RIPOR3: variants seen among roughly 807,000 people sequenced by gnomAD.
The protein encoded by RIPOR3 is family with sequence similarity 65 member C.
RIPOR3 carries 95 observed loss-of-function variants against 114.3 expected under a neutral mutation model. That is an observed-to-expected ratio of 0.83 (90% confidence interval 0.70 to 0.99). The LOEUF is 0.99. Among genes scored for constraint, RIPOR3 ranks in the 50% least tolerant of loss-of-function variants. The pLI, the probability that RIPOR3 is intolerant of heterozygous loss-of-function variation, is 0.00. For missense variants in RIPOR3, 1,252 were observed against 1,266.9 expected (o/e 0.99, Z 0.18); for synonymous variants, 575 against 543.8 (o/e 1.06, Z -0.80).
chr20:50,682,612 A>ATGTGTGTGTGTGTGTG (rs71190593), intron 1 of RIPOR3, among the ~76,000 whole-genome samples: 7,845 of 146,822 alleles, frequency 0.053, 318 homozygotes, highest in African/African-American at 0.11. Flanking sequence ...GTCTCAAAAT[A>ATGTGTGTGTGTGTGTG]TGTGTGTGTG....
intron 2 of RIPOR3, among the ~76,000 whole-genome samples, chr20:50,625,436 C>A (rs1406346410): frequency 6.6e-6 from 1 of 152,238 alleles, no homozygotes; most frequent in African/African-American, 2.4e-5. Context: ...GAGGTCAGGC[C>A]CCCTGGTACC....
rs565198953 is a variant in RIPOR3, at chr20:50,626,851, G to T, written c.122+3887C>A. 2.6e-5 allele frequency among the ~76,000 whole-genome samples: 4 copies of T among 152,088 alleles called. No homozygotes were observed. In the East Asian group the frequency reaches 7.8e-4, roughly 30 times the overall value. ...AGCCTGGCCAACATGGTGAAACCCT[G>T]TCTCTACTAAAAATTAGCTGGGCAT... On this transcript the variant is annotated intron_variant, in intron 2 of 21. Coordinates refer to ENST00000327979, the MANE Select transcript of RIPOR3 (RefSeq NM_001290268.2).
intron 1 of RIPOR3, among the ~76,000 whole-genome samples, chr20:50,667,078 C>T (rs2086272659): frequency 6.6e-6 from 1 of 152,034 alleles, no homozygotes; most frequent in Non-Finnish European, 1.5e-5. Flanking sequence ...GGACTCTGAA[C>T]CTAGCTTGGC....
At position 50,602,550 on chromosome 20, in the gene RIPOR3, C is replaced by G. The variant is rs753782206; in HGVS notation, c.1181G>C (p.Gly394Ala). 3.2e-6 allele frequency: 5 copies of G among 1,548,878 alleles called. No homozygotes were observed. The highest frequency in any genetic ancestry group is 2.8e-5 in the African/African-American group (2 of 72,430). The change falls in exon 13 of 22, where the codon GGT becomes GCT. Residue 394 changes from glycine (G) to alanine (A), a missense_variant. Gly to Ala is a moderately conservative substitution (Grantham distance 60). Coordinates refer to ENST00000327979, the MANE Select transcript of RIPOR3 (RefSeq NM_001290268.2). The surrounding 1 kb of genome is among the most constrained non-coding windows in gnomAD (Gnocchi z 4.3). ...CTGACTCTGGCTTCTTAGGCTGGGA[C>G]CCCGGAGGTCGCTGTCAGACAGGTA... ...LSYLSDSDLR[G>A]PSLRSQSQEL...
At position 50,668,925 on chromosome 20, in the gene RIPOR3, G is replaced by GA. The variant is rs1310935833; in HGVS notation, c.3+22200_3+22201insT. 4.6e-5 allele frequency among the ~76,000 whole-genome samples: 7 copies of GA among 151,290 alleles called. No individual in the cohort carries two copies. The East Asian group carries it at 7.8e-4, about 17-fold the overall frequency. On this transcript the variant is annotated intron_variant, in intron 1 of 21. Transcript: ENST00000327979. ...CATGCACACACCACACATGGCTCAT[G>GA]CATGCACATGACATGCATTCACATG...
chr20:50,591,040 C>G (rs2083089491), intron 19 of RIPOR3, among the ~76,000 whole-genome samples: 1 of 152,122 alleles, frequency 6.6e-6, no homozygotes, highest in South Asian at 2.1e-4. Context: ...CGTTAAACTT[C>G]CTGCAAGCAG....
At chr20:50,616,382 G>A (rs879420536) in intron 3 of RIPOR3, among the ~76,000 whole-genome samples, 1 of 152,054 alleles carries the variant, frequency 6.6e-6, no homozygotes, top group Non-Finnish European at 1.5e-5. Flanking sequence ...CCCCTCTCTC[G>A]CCCAGGCTGG....
intron 20 of RIPOR3, 111 bp from the exon 21 acceptor site, chr20:50,588,003 C>G: frequency 5.1e-6 from 5 of 976,426 alleles, no homozygotes; most frequent in Non-Finnish European, 7.5e-6. Flanking sequence ...GGGGCCTCAG[C>G]CCCTTCCTTT....
intron 3 of RIPOR3, among the ~76,000 whole-genome samples, chr20:50,618,270 C>CAAAAAAAAAAAAAA (rs61215608): frequency 3.0e-5 from 2 of 67,392 alleles, no homozygotes; most frequent in African/African-American, 7.2e-5. Flanking sequence ...GACTCCGTCT[C>CAAAAAAAAAAAAAA]AAAAAAAAAA....
intron 1 of RIPOR3, among the ~76,000 whole-genome samples, chr20:50,676,769 C>CTTT (rs1310891448): frequency 9.0e-5 from 12 of 132,786 alleles, no homozygotes; most frequent in East Asian, 2.1e-4. Flanking sequence ...CCAGATTCTA[C>CTTT]TTTTTTTTTT....
chr20:50,662,889 G>A (rs2086044266), intron 1 of RIPOR3, among the ~76,000 whole-genome samples: 1 of 152,182 alleles, frequency 6.6e-6, no homozygotes, highest in Non-Finnish European at 1.5e-5. Context: ...GAGGTCAGGA[G>A]TTCGAGACCA....
chr20:50,608,031 G>C (rs995217937), intron 11 of RIPOR3, among the ~76,000 whole-genome samples: 1 of 152,074 alleles, frequency 6.6e-6, no homozygotes, highest in Non-Finnish European at 1.5e-5. Context: ...GGGCAGCCAG[G>C]GTCGGCCAGG....
At chr20:50,597,382 C>T (rs758395398) in intron 14 of RIPOR3, 198 bp downstream of exon 14, 48 of 709,644 alleles carry the variant, frequency 6.8e-5, no homozygotes, top group Admixed American at 2.6e-4. Context: ...TCACCCACTT[C>T]GTGGTCTCTG....
intron 13 of RIPOR3, among the ~76,000 whole-genome samples, 165 bp downstream of exon 13, chr20:50,601,907 G>A (rs568143686): frequency 8.7e-4 from 133 of 152,268 alleles, no homozygotes; most frequent in African/African-American, 2.6e-3. Flanking sequence ...TGTTATCCCC[G>A]CTTGCCAGAT....
chr20:50,619,431 A>C (rs1600590882), intron 3 of RIPOR3, among the ~76,000 whole-genome samples: 1 of 137,368 alleles, frequency 7.3e-6, no homozygotes, highest in Non-Finnish European at 1.5e-5. Context: ...ACAGAGCGAG[A>C]CTCCATCTCA....
chr20:50,635,857 G>GC (rs2084966936), intron 1 of RIPOR3, among the ~76,000 whole-genome samples: 1 of 152,220 alleles, frequency 6.6e-6, no homozygotes, highest in African/African-American at 2.4e-5. Flanking sequence ...CTGAGGACAC[G>GC]CCCCCCTCCC....
chr20:50,665,514 G>A (rs1311141670), intron 1 of RIPOR3, among the ~76,000 whole-genome samples: 3 of 141,334 alleles, frequency 2.1e-5, no homozygotes, highest in African/African-American at 5.2e-5. Context: ...TCCGCCTCCC[G>A]GGTTCAAGCA....
chr20:50,609,179 CA>C, intron 8 of RIPOR3, 113 bp downstream of exon 8: 1 of 1,393,052 alleles, frequency 7.2e-7, no homozygotes, highest in East Asian at 2.5e-5. Context: ...CACATGGATG[CA>C]AAAGCCAGGG....
At chr20:50,598,813 G>A (rs1244797226) in intron 13 of RIPOR3, among the ~76,000 whole-genome samples, 1 of 151,292 alleles carries the variant, frequency 6.6e-6, no homozygotes, top group Non-Finnish European at 1.5e-5. Context: ...GCTGAGGCAG[G>A]AGAATTGCTT....
Sources: allele counts gnomAD v4.1 joint callset (sites outside exome capture counted in the v4.1 genomes callset), GRCh38; gene constraint gnomAD v4.1.1; non-coding constraint Gnocchi (gnomAD v3.1); transcripts MANE v1.5; gene names NCBI Gene and HGNC (gene_info 2026-07-23, HGNC 2026-07-21).